Variants in LRRC4C observed in about 807,000 individuals in gnomAD.
LRRC4C encodes the protein leucine-rich repeat-containing protein 4C.
A neutral mutation model predicts 33.6 loss-of-function variants in LRRC4C; 5 were observed. The observed-to-expected ratio is 0.15, with a 90% CI of 0.08 to 0.31. LRRC4C has a LOEUF of 0.31. LRRC4C is among the 10% of genes least tolerant of loss of function. The pLI, the probability that LRRC4C is intolerant of heterozygous loss-of-function variation, is 1.00. For synonymous variants in LRRC4C, 329 were observed against 302.0 expected, an observed-to-expected ratio of 1.09 and a Z score of -0.93; for missense variants, 560 against 796.7, an observed-to-expected ratio of 0.70 and a Z score of 3.58.
In LRRC4C at chr11:41,389,764, A is replaced by G. The variant is rs543965217; in HGVS notation, c.-496+69667T>C. Reference sequence around the variant, plus strand: ...CAGTGATCGGGCATGTGCCTGGGCAAACACATAACCAAGGCTCCGCTAATT... The same window carrying G: ...CAGTGATCGGGCATGTGCCTGGGCAGACACATAACCAAGGCTCCGCTAATT... On this transcript the variant is annotated intron_variant, in intron 1 of 6. Coordinates refer to ENST00000528697, the MANE Select transcript of LRRC4C (RefSeq NM_001258419.2). Among the ~76,000 whole-genome samples, 15 of 151,954 alleles carry G rather than the reference A, an allele frequency of 9.9e-5. No homozygotes were observed. In the East Asian group the frequency reaches 2.5e-3, roughly 26 times the overall value.
intron 2 of LRRC4C, among the ~76,000 whole-genome samples, chr11:40,891,386 G>C (rs959369549): frequency 2.0e-5 from 3 of 152,108 alleles, no homozygotes; most frequent in South Asian, 4.1e-4. Flanking sequence ...AGACATTTCT[G>C]TTTGTCACAC....
At chr11:40,790,576 A>G (rs1950584163) in intron 2 of LRRC4C, among the ~76,000 whole-genome samples, 1 of 152,220 alleles carries the variant, frequency 6.6e-6, no homozygotes, top group Non-Finnish European at 1.5e-5. Context: ...TCTAGCCAGA[A>G]GCAGCCAAGG....
rs368839902 is a variant in LRRC4C at position 41,234,038 on chromosome 11, C to A, written c.-496+225393G>T. ...AGAAATGCAGATGTGCAGAAATGCA[C>A]AAGCACACAAAATGTCCTATACTTG... On this transcript the variant is annotated intron_variant, in intron 1 of 6. Coordinates refer to ENST00000528697, the MANE Select transcript of LRRC4C (RefSeq NM_001258419.2). 2.2e-4 allele frequency among the ~76,000 whole-genome samples: 33 copies of A among 151,176 alleles called. 2 individuals carry two copies. In the East Asian group the frequency reaches 2.9e-3, roughly 13 times the overall value.
Position 40,159,846 on chromosome 11 carries a change from C to A in LRRC4C, c.-95-18993G>T, listed in dbSNP as rs1057359539. Among the ~76,000 whole-genome samples, 4 of 152,252 alleles carry A rather than the reference C, an allele frequency of 2.6e-5. No homozygotes were observed. The East Asian group carries it at 7.7e-4, about 29-fold the overall frequency. On this transcript the variant is annotated intron_variant, in intron 5 of 6. Transcript: ENST00000528697. ...ATGCCTGCTATCAAAATAATGGAAGCTTCATGGGTGGAAGGATACTATATA... is the reference window on the plus strand; with the variant it reads ...ATGCCTGCTATCAAAATAATGGAAGATTCATGGGTGGAAGGATACTATATA...
intron 3 of LRRC4C, among the ~76,000 whole-genome samples, chr11:40,491,294 A>C (rs980185124): frequency 6.6e-6 from 1 of 152,128 alleles, no homozygotes; most frequent in Admixed American, 6.6e-5. Context: ...CACACACACA[A>C]AATAAATAAA....
chr11:40,583,691 G>T (rs1958578049), intron 3 of LRRC4C, among the ~76,000 whole-genome samples: 1 of 151,926 alleles, frequency 6.6e-6, no homozygotes, highest in African/African-American at 2.4e-5. Context: ...CACTTCCTTA[G>T]TACTCTGAGT....
intron 6 of LRRC4C, among the ~76,000 whole-genome samples, chr11:40,128,442 C>T (rs1014944862): frequency 3.3e-5 from 5 of 152,206 alleles, no homozygotes; most frequent in Admixed American, 3.3e-4. Context: ...CCAACTTGAA[C>T]CTCTTAAACA....
At chr11:41,058,184 C>A (rs1291253475) in intron 1 of LRRC4C, among the ~76,000 whole-genome samples, 1 of 147,970 alleles carries the variant, frequency 6.8e-6, no homozygotes, top group Non-Finnish European at 1.5e-5. Flanking sequence ...GACCTGGGAG[C>A]TCCCTCAGCC....
chr11:40,911,005 G>A (rs944422660), intron 2 of LRRC4C, among the ~76,000 whole-genome samples: 4 of 152,192 alleles, frequency 2.6e-5, no homozygotes, highest in East Asian at 1.9e-4. Context: ...GGGGAGGGGC[G>A]CCTGCCATTG....
intron 2 of LRRC4C, among the ~76,000 whole-genome samples, chr11:40,858,586 C>A (rs1953918747): frequency 6.7e-6 from 1 of 148,754 alleles, no homozygotes; most frequent in South Asian, 2.1e-4. Flanking sequence ...CACAGTTACT[C>A]TGGTGGCTGA....
intron 3 of LRRC4C, among the ~76,000 whole-genome samples, chr11:40,443,621 A>G (rs149784615): frequency 1.3e-5 from 2 of 152,308 alleles, no homozygotes; most frequent in African/African-American, 2.4e-5. Flanking sequence ...CAGTATTTAC[A>G]TAGCATATTT....
chr11:40,712,712 C>G (rs143989658), intron 2 of LRRC4C, among the ~76,000 whole-genome samples: 6 of 151,884 alleles, frequency 4.0e-5, no homozygotes, highest in African/African-American at 1.5e-4. Context: ...CTTAAAAAAC[C>G]TTTACAAAGA....
intron 1 of LRRC4C, among the ~76,000 whole-genome samples, chr11:41,226,223 G>A (rs1396406835): frequency 6.6e-6 from 1 of 152,076 alleles, no homozygotes; most frequent in African/African-American, 2.4e-5. Flanking sequence ...GACTTTCTGA[G>A]ATGAGTGTAG....
intron 4 of LRRC4C, among the ~76,000 whole-genome samples, chr11:40,307,339 A>G (rs979246732): frequency 1.3e-5 from 2 of 152,144 alleles, no homozygotes; most frequent in African/African-American, 4.8e-5. Flanking sequence ...CATGTTCCCT[A>G]TTCCCCAGCA....
chr11:41,268,280 T>C (rs1949214776), intron 1 of LRRC4C, among the ~76,000 whole-genome samples: 1 of 152,074 alleles, frequency 6.6e-6, no homozygotes, highest in South Asian at 2.1e-4. Flanking sequence ...AAGTAGATCA[T>C]TCCCTAGTTG....
intron 2 of LRRC4C, among the ~76,000 whole-genome samples, chr11:40,874,740 G>A (rs776114252): frequency 1.3e-5 from 2 of 152,082 alleles, no homozygotes; most frequent in East Asian, 1.9e-4. Context: ...ATAGAGATTC[G>A]GGTTCACTGG....
intron 5 of LRRC4C, among the ~76,000 whole-genome samples, chr11:40,173,875 T>C (rs1160636511): frequency 6.6e-6 from 1 of 152,210 alleles, no homozygotes; most frequent in South Asian, 2.1e-4. Flanking sequence ...ATACTTATGT[T>C]GGTAAACTGT....
intron 2 of LRRC4C, among the ~76,000 whole-genome samples, chr11:40,813,540 G>A (rs572268084): frequency 6.6e-6 from 1 of 152,184 alleles, no homozygotes; most frequent in African/African-American, 2.4e-5. Context: ...TGGGGACACA[G>A]CCAAACCACA....
intron 2 of LRRC4C, among the ~76,000 whole-genome samples, chr11:40,819,370 A>T (rs1190636958): frequency 6.6e-6 from 1 of 152,114 alleles, no homozygotes. Context: ...TAAGAAGAGG[A>T]TTTTATAATG....
Sources: gnomAD v4.1 joint callset for allele counts (sites outside exome capture counted in the v4.1 genomes callset) on GRCh38, gnomAD v4.1.1 for gene constraint, MANE v1.5 for transcripts, NCBI Gene and HGNC (gene_info 2026-07-23, HGNC 2026-07-21) for gene names.